COMMD1: variants seen among roughly 807,000 people sequenced by gnomAD.
COMMD1 encodes COMM domain-containing protein 1.
COMMD1 carries 10 observed loss-of-function variants against 17.2 expected under a neutral mutation model. The observed-to-expected ratio is 0.58, with a 90% CI of 0.36 to 0.99. The LOEUF is 0.99. Among genes scored for constraint, COMMD1 ranks in the 50% least tolerant of loss-of-function variants. The pLI is 0.01. For synonymous variants in COMMD1, 97 were observed against 91.6 expected (o/e 1.06, Z -0.34); for missense variants, 270 against 231.8 (o/e 1.17, Z -1.07).
At chr2:61,988,851 A>T (rs1441970003) in intron 1 of COMMD1, among the ~76,000 whole-genome samples, 3 of 152,104 alleles carry the variant, frequency 2.0e-5, no homozygotes, top group Non-Finnish European at 4.4e-5. Flanking sequence ...GAGATGAGCA[A>T]TCCCACTTTG....
chr2:61,952,901 T>C (rs574047169), intron 1 of COMMD1, among the ~76,000 whole-genome samples: 1 of 152,352 alleles, frequency 6.6e-6, no homozygotes, highest in African/African-American at 2.4e-5. Context: ...TTAAAGAAAC[T>C]GATAAACTGC....
chr2:62,043,459 AC>A (rs1339659800), intron 2 of COMMD1, among the ~76,000 whole-genome samples: 2 of 152,176 alleles, frequency 1.3e-5, no homozygotes, highest in East Asian at 3.8e-4. Context: ...GGTATGAGCC[AC>A]CAAGCCCAGC....
intron 1 of COMMD1, among the ~76,000 whole-genome samples, chr2:61,987,018 T>C (rs1672124065): frequency 6.6e-6 from 1 of 152,202 alleles, no homozygotes; most frequent in African/African-American, 2.4e-5. Context: ...CTCCAGAATT[T>C]CCTTTTGCTT....
At chr2:62,075,199 G>GT (rs1194219156) in intron 2 of COMMD1, among the ~76,000 whole-genome samples, 3 of 151,890 alleles carry the variant, frequency 2.0e-5, no homozygotes, top group East Asian at 1.9e-4. Flanking sequence ...TGGTGCACAT[G>GT]TTTTTTAAAA....
At chr2:61,990,230 G>A (rs974096031) in intron 1 of COMMD1, among the ~76,000 whole-genome samples, 2 of 152,242 alleles carry the variant, frequency 1.3e-5, no homozygotes, top group African/African-American at 2.4e-5. Flanking sequence ...GAAGAGAAAT[G>A]AAGCTAGAGA....
chr2:62,056,319 ATCT>A (rs1165981642), intron 2 of COMMD1, among the ~76,000 whole-genome samples: 1 of 152,220 alleles, frequency 6.6e-6, no homozygotes, highest in African/African-American at 2.4e-5. Flanking sequence ...GAGCACACAC[ATCT>A]TCTCTTATGC....
intron 2 of COMMD1, among the ~76,000 whole-genome samples, chr2:62,130,980 A>G (rs1673014106): frequency 1.3e-5 from 2 of 152,344 alleles, no homozygotes; most frequent in South Asian, 4.1e-4. Context: ...AAGTTTCCTG[A>G]GGAGTGTTGA....
intron 1 of COMMD1, among the ~76,000 whole-genome samples, chr2:61,966,472 T>C (rs528555496): frequency 6.6e-6 from 1 of 152,292 alleles, no homozygotes; most frequent in East Asian, 1.9e-4. Flanking sequence ...CACTAGTTGG[T>C]TGTATATTAA....
intron 2 of COMMD1, among the ~76,000 whole-genome samples, chr2:62,119,475 C>CAA (rs542893534): frequency 2.6e-5 from 4 of 151,960 alleles, no homozygotes; most frequent in Non-Finnish European, 5.9e-5. Context: ...CCACCCCAGC[C>CAA]AAAAAAACAA....
intron 1 of COMMD1, among the ~76,000 whole-genome samples, chr2:61,930,202 A>G (rs1670426429): frequency 6.6e-6 from 1 of 152,148 alleles, no homozygotes; most frequent in African/African-American, 2.4e-5. Flanking sequence ...CTGCATTGAT[A>G]CTTTATAAAC....
At position 62,135,860 on chromosome 2, in the gene COMMD1, T is replaced by C. The variant is rs9096; in HGVS notation, c.492T>C (p.Asp164=). ...CTGAATTTCTGTGTTTGGAATTTGATGAGGTCAAAGTCAACCAAATTCTGA... is the reference window on the plus strand; with the variant it reads ...CTGAATTTCTGTGTTTGGAATTTGACGAGGTCAAAGTCAACCAAATTCTGA... The part of the protein sequence containing the change: ...QESEFLCLEF[D]EVKVNQILKT... Residue 164 remains aspartate, a synonymous_variant, in exon 3 of 3, where the codon GAT becomes GAC. Coordinates refer to ENST00000311832, the MANE Select transcript of COMMD1 (RefSeq NM_152516.4). 0.11 allele frequency: 167,897 copies of C among 1,580,990 alleles called. 10,374 individuals carry two copies. Among genetic ancestry groups the C allele is most frequent in the Non-Finnish European group, 0.12 (141,528 of 1,149,566 alleles).
intron 1 of COMMD1, among the ~76,000 whole-genome samples, chr2:61,948,313 G>T (rs1444479492): frequency 6.6e-6 from 1 of 151,940 alleles, no homozygotes; most frequent in African/African-American, 2.4e-5. Context: ...TTTTTTCTAT[G>T]TCCTGCAGGC....
At chr2:61,892,437 A>G (rs1669454705) in intron 1 of COMMD1, among the ~76,000 whole-genome samples, 1 of 152,068 alleles carries the variant, frequency 6.6e-6, no homozygotes, top group Admixed American at 6.6e-5. Flanking sequence ...CTCATGCTGT[A>G]ATCCCAGCAC....
rs139592092 is a variant in COMMD1 at position 62,078,091 on chromosome 2, C to T, written c.463-57740C>T. On this transcript the variant is annotated intron_variant, in intron 2 of 2. Coordinates refer to ENST00000311832, the MANE Select transcript of COMMD1 (RefSeq NM_152516.4). ...GAGATCGAGACTATCCTGACTAACACGGTGAAACCCTGTCTGTACTAAAAA... is the reference window on the plus strand; with the variant it reads ...GAGATCGAGACTATCCTGACTAACATGGTGAAACCCTGTCTGTACTAAAAA... Among the ~76,000 whole-genome samples, 824 of 151,482 alleles carry T rather than the reference C, an allele frequency of 5.4e-3. 7 individuals are homozygous for T. The highest frequency in any genetic ancestry group is 0.018 in the African/African-American group (739 of 41,268).
intron 1 of COMMD1, among the ~76,000 whole-genome samples, chr2:61,971,097 C>T (rs916557989): frequency 1.1e-4 from 17 of 152,128 alleles, no homozygotes; most frequent in African/African-American, 3.6e-4. Context: ...TTTGTAAAGA[C>T]AGAGTTTTGC....
At chr2:61,999,607 A>G (rs946791625) in intron 1 of COMMD1, among the ~76,000 whole-genome samples, 1 of 151,998 alleles carries the variant, frequency 6.6e-6, no homozygotes, top group Non-Finnish European at 1.5e-5. Context: ...TATTATTATT[A>G]TTTTAGAGAC....
intron 2 of COMMD1, among the ~76,000 whole-genome samples, chr2:62,012,466 G>C (rs1473145579): frequency 4.0e-5 from 6 of 151,770 alleles, no homozygotes; most frequent in African/African-American, 1.5e-4. Flanking sequence ...TTACAGGCAT[G>C]CACCACCACG....
chr2:62,026,829 T>G (rs928738848), intron 2 of COMMD1, among the ~76,000 whole-genome samples: 9 of 152,190 alleles, frequency 5.9e-5, no homozygotes, highest in Non-Finnish European at 8.8e-5. Context: ...TTAAAGATTG[T>G]TCTGAAAATT....
chr2:62,043,201 G>A (rs1290606475), intron 2 of COMMD1, among the ~76,000 whole-genome samples: 1 of 152,214 alleles, frequency 6.6e-6, no homozygotes, highest in African/African-American at 2.4e-5. Flanking sequence ...TTGGCCAGGT[G>A]GAGATTAAAC....
Sources: allele counts gnomAD v4.1 joint callset (sites outside exome capture counted in the v4.1 genomes callset), GRCh38; gene constraint gnomAD v4.1.1; transcripts MANE v1.5; gene names NCBI Gene and HGNC (gene_info 2026-07-23, HGNC 2026-07-21).